LRP5: variants seen among roughly 807,000 people sequenced by gnomAD.
LRP5 encodes the protein LDL receptor related protein 5.
In LRP5, 62 loss-of-function variants were observed where a neutral mutation model predicts 154.1. The observed-to-expected ratio is 0.40, with a 90% CI of 0.33 to 0.50. LRP5 has a LOEUF of 0.50. Ranked by LOEUF, LRP5 falls within the 20% of genes least tolerant of loss-of-function variation. LRP5 has a pLI of 0.55. For missense variants in LRP5, 1,915 were observed against 2,336.7 expected (o/e 0.82, Z 3.72); for synonymous variants, 966 against 1,011.5 (o/e 0.96, Z 0.85).
At chr11:68,335,248 A>T (rs1591187511) in intron 1 of LRP5, among the ~76,000 whole-genome samples, 1 of 151,826 alleles carries the variant, frequency 6.6e-6, no homozygotes, top group East Asian at 2.0e-4. Flanking sequence ...GTCTGATTTA[A>T]AAAAATATAC....
intron 1 of LRP5, among the ~76,000 whole-genome samples, chr11:68,328,388 ATGTGTTT>A (rs1235003064): frequency 1.3e-5 from 2 of 152,248 alleles, no homozygotes; most frequent in Non-Finnish European, 2.9e-5. Flanking sequence ...TGTTTCTGAA[ATGTGTTT>A]CCTTCCCCAG....
chr11:68,388,712 A>G (rs2098644391), intron 6 of LRP5, among the ~76,000 whole-genome samples: 1 of 152,086 alleles, frequency 6.6e-6, no homozygotes, highest in African/African-American at 2.4e-5. Context: ...GTCAGATGTG[A>G]GGCTGCCCCA....
intron 18 of LRP5, among the ~76,000 whole-genome samples, chr11:68,435,476 G>C (rs972642652): frequency 5.0e-5 from 7 of 139,462 alleles, no homozygotes; most frequent in Non-Finnish European, 1.1e-4. Flanking sequence ...GTGAGAGAGG[G>C]AGCAACGGAG....
rs1591310116 is a variant in LRP5, at chr11:68,423,782, TG to T, written c.3236+89del. 4.4e-6 allele frequency: 6 copies of T among 1,370,404 alleles called. No individual in the cohort carries two copies. In the East Asian group the frequency reaches 9.4e-5, roughly 21 times the overall value. 84.9% of individuals were successfully genotyped at this position (1,370,404 alleles called of 1,614,324 possible). ...TGCCGAATGCCAGCCTCTCACAGGC[TG>T]GGGAGACTTTCCACCCTGGGGATCC... On this transcript the variant is annotated intron_variant, in intron 14 of 22. Coordinates refer to ENST00000294304, the MANE Select transcript of LRP5 (RefSeq NM_002335.4). This position sits in a 1 kb window ranked among gnomAD's most constrained non-coding sequence, Gnocchi z 4.7.
chr11:68,425,413 G>A, intron 15 of LRP5, 121 bp downstream of exon 15: 5 of 1,063,098 alleles, frequency 4.7e-6, no homozygotes, highest in Non-Finnish European at 6.9e-6. Flanking sequence ...GGCTTTGTGT[G>A]TAGCGTGTTT....
intron 10 of LRP5, 149 bp downstream of exon 10, chr11:68,410,289 G>A: frequency 1.4e-6 from 1 of 731,468 alleles, no homozygotes; most frequent in Non-Finnish European, 2.4e-6. Flanking sequence ...GGCCAGGACT[G>A]GTAGGGCCCT....
At chr11:68,421,182 G>A (rs1030965203) in intron 13 of LRP5, among the ~76,000 whole-genome samples, 2 of 152,090 alleles carry the variant, frequency 1.3e-5, no homozygotes, top group Non-Finnish European at 1.5e-5. Flanking sequence ...AGCCGAGATC[G>A]CTTCACTGCA....
intron 2 of LRP5, among the ~76,000 whole-genome samples, chr11:68,350,650 A>G (rs911964886): frequency 6.6e-6 from 1 of 152,148 alleles, no homozygotes; most frequent in African/African-American, 2.4e-5. Flanking sequence ...TGCCCAGGGT[A>G]GTGGGAATGA....
intron 7 of LRP5, among the ~76,000 whole-genome samples, chr11:68,394,527 A>G (rs1422998813): frequency 6.7e-6 from 1 of 150,338 alleles, no homozygotes. Context: ...GTGCAGTGGC[A>G]CGATCTCGGC....
chr11:68,446,413 C>T, intron 21 of LRP5, 23 bp from the exon 22 acceptor site: 1 of 1,543,836 alleles, frequency 6.5e-7, no homozygotes. Context: ...GGCTCTAAGT[C>T]ACCCTGGCTT....
chr11:68,394,485 A>T (rs112606591), intron 7 of LRP5, among the ~76,000 whole-genome samples: 23 of 124,790 alleles, frequency 1.8e-4, no homozygotes, highest in African/African-American at 6.4e-4. Flanking sequence ...TTTTTTTTTG[A>T]GGTGGAGTCT....
At position 68,397,492 on chromosome 11, in the gene LRP5, C is replaced by T. The variant is rs895200218; in HGVS notation, c.1585-5991C>T. Among the ~76,000 whole-genome samples, 48 of 152,190 alleles carry T rather than the reference C, an allele frequency of 3.2e-4. 1 individual carries two copies. The highest frequency in any genetic ancestry group is 2.9e-4 in the Non-Finnish European group (20 of 68,016). ...CCCTGGAAGCCGGGGTCACTCCAGC[C>T]GTATGCCATGGTGGGGACATCCTGC... is the stretch of plus-strand genomic sequence containing the variant. On this transcript the variant is annotated intron_variant, in intron 7 of 22. Transcript: ENST00000294304.
At chr11:68,329,999 T>A (rs2098601820) in intron 1 of LRP5, among the ~76,000 whole-genome samples, 1 of 152,228 alleles carries the variant, frequency 6.6e-6, no homozygotes. Flanking sequence ...GCCCTAAACC[T>A]TCTAATTAGT....
Position 68,327,362 on chromosome 11 carries a change from A to G in LRP5, c.91+14557A>G, listed in dbSNP as rs547733994. Among the ~76,000 whole-genome samples the G allele has an allele frequency of 3.9e-5, 6 of 152,340 alleles. No homozygotes were observed. In the South Asian group the frequency reaches 1.2e-3, roughly 32 times the overall value. ...GTCATGAGGGGACCCAGTGAAGGCC[A>G]GGAGGGGACAAGCATCCCTCCAGGT... On this transcript the variant is annotated intron_variant, in intron 1 of 22. Coordinates refer to ENST00000294304, the MANE Select transcript of LRP5 (RefSeq NM_002335.4).
At chr11:68,366,209 G>A (rs1045922400) in intron 5 of LRP5, among the ~76,000 whole-genome samples, 4 of 152,184 alleles carry the variant, frequency 2.6e-5, no homozygotes, top group Admixed American at 6.5e-5. Context: ...TCAGGAAAGC[G>A]CCATCCCTGG....
At position 68,428,298 on chromosome 11, in the gene LRP5, T is replaced by C. The variant is rs564397074; in HGVS notation, c.3638-1277T>C. Among the ~76,000 whole-genome samples the C allele has an allele frequency of 2.6e-5, 4 of 152,148 alleles. No individual in the cohort carries two copies. The South Asian group carries it at 8.3e-4, about 32-fold the overall frequency. On this transcript the variant is annotated intron_variant, in intron 16 of 22. Coordinates refer to ENST00000294304, the MANE Select transcript of LRP5 (RefSeq NM_002335.4). ...GCATGAGCCACCACGCCTGGCACCA[T>C]TTGCTATTTTAATTCCCATGTGTAT...
chr11:68,438,792 AG>A, intron 20 of LRP5, 110 bp downstream of exon 20: 1 of 896,208 alleles, frequency 1.1e-6, no homozygotes. Context: ...CACATGTGGC[AG>A]ACATTGCTAA....
rs777805396 is a variant in LRP5 at position 68,417,379 on chromosome 11, T to C, written c.3027+852T>C. Among the ~76,000 whole-genome samples the C allele has an allele frequency of 2.0e-4, 30 of 149,416 alleles. 1 individual carries two copies. Among genetic ancestry groups the C allele is most frequent in the Non-Finnish European group, 3.8e-4 (26 of 67,564 alleles). Reference sequence around the variant, plus strand: ...TTAATGTTTCTCGTGGAGGAAATTGTGCATGAGCAAATGTGAAACCGTGCT... The same window carrying C: ...TTAATGTTTCTCGTGGAGGAAATTGCGCATGAGCAAATGTGAAACCGTGCT... On this transcript the variant is annotated intron_variant, in intron 13 of 22. Transcript: ENST00000294304.
At position 68,446,419 on chromosome 11, in the gene LRP5, G is replaced by A; in HGVS notation, c.4489-17G>A. On this transcript the variant is annotated splice_polypyrimidine_tract_variant and intron_variant, in intron 21 of 22. Transcript: ENST00000294304. ...GGCTGGCGAGGCTCTAAGTCACCCT[G>A]GCTTGGCTCTCCTCAGATCCTGAAC... is the stretch of plus-strand genomic sequence containing the variant. 1 of 1,573,520 alleles carries A rather than the reference G, an allele frequency of 6.4e-7. No individual in the cohort carries two copies. The highest frequency in any genetic ancestry group is 8.7e-7 in the Non-Finnish European group (1 of 1,143,206).
Sources: allele counts gnomAD v4.1 joint callset (sites outside exome capture counted in the v4.1 genomes callset), GRCh38; gene constraint gnomAD v4.1.1; non-coding constraint Gnocchi (gnomAD v3.1); transcripts MANE v1.5; gene names NCBI Gene and HGNC (gene_info 2026-07-23, HGNC 2026-07-21).